Variants in GADL1 observed in about 807,000 individuals in gnomAD.
GADL1 encodes the protein GAD like acidic amino acid decarboxylase 1.
GADL1 carries 71 observed loss-of-function variants against 69.5 expected under a neutral mutation model. The observed-to-expected ratio is 1.02, with a 90% CI of 0.84 to 1.25. The LOEUF (loss-of-function observed/expected upper bound fraction) is 1.25. GADL1 is among the 50% of genes most tolerant of loss of function. GADL1 has a pLI of 0.00. For missense variants in GADL1, 737 were observed against 631.8 expected, an observed-to-expected ratio of 1.17 and a Z score of -1.79; for synonymous variants, 254 against 214.4, an observed-to-expected ratio of 1.18 and a Z score of -1.62.
intron 1 of GADL1, among the ~76,000 whole-genome samples, chr3:30,887,630 A>C (rs1285694320): frequency 6.6e-6 from 1 of 152,152 alleles, no homozygotes; most frequent in Non-Finnish European, 1.5e-5. Context: ...TTATTTTGTT[A>C]TAAGCAAGAG....
At chr3:30,859,055 G>C (rs188519244) in intron 2 of GADL1, among the ~76,000 whole-genome samples, 1 of 152,174 alleles carries the variant, frequency 6.6e-6, no homozygotes, top group Non-Finnish European at 1.5e-5. Flanking sequence ...ACAAGGAGGT[G>C]TTCTTGGCAA....
chr3:30,726,437 AT>A lies in GADL1; in HGVS notation c.*1804del, dbSNP rs542244919. On this transcript the variant is annotated 3_prime_UTR_variant, in exon 15 of 15. Transcript: ENST00000282538. ...TGTTACAAACATCAATTTTAGAAAT[AT>A]TTTATGTAGACATTAAAACAAAAAG... The A allele has an allele frequency of 6.6e-6, 1 of 152,064 alleles. No individual in the cohort carries two copies. The allele number at this position is 152,064 out of a possible 1,614,324, so 9.4% of individuals were successfully genotyped here.
chr3:30,834,142 T>C, intron 10 of GADL1, 75 bp downstream of exon 10: 1 of 1,237,210 alleles, frequency 8.1e-7, no homozygotes, highest in Non-Finnish European at 1.2e-6. Flanking sequence ...TTTTCCTATT[T>C]TCAAAATATC....
At chr3:30,816,176 T>C (rs918940155) in intron 11 of GADL1, among the ~76,000 whole-genome samples, 1 of 152,034 alleles carries the variant, frequency 6.6e-6, no homozygotes, top group Non-Finnish European at 1.5e-5. Context: ...ATTTGCGATA[T>C]GTACTGAACA....
intron 3 of GADL1, among the ~76,000 whole-genome samples, chr3:30,855,538 A>G (rs747292145): frequency 2.6e-5 from 4 of 151,998 alleles, no homozygotes; most frequent in Non-Finnish European, 4.4e-5. Flanking sequence ...GCTTACATAC[A>G]CTTCTGATTC....
intron 11 of GADL1, among the ~76,000 whole-genome samples, chr3:30,810,144 T>C (rs538264331): frequency 6.6e-6 from 1 of 152,258 alleles, no homozygotes; most frequent in African/African-American, 2.4e-5. Flanking sequence ...TGATCTCCAG[T>C]TTCTCAAAAA....
At chr3:30,862,859 C>A (rs950188186) in intron 1 of GADL1, among the ~76,000 whole-genome samples, 1 of 151,974 alleles carries the variant, frequency 6.6e-6, no homozygotes, top group Non-Finnish European at 1.5e-5. Flanking sequence ...AACTAGATTA[C>A]AAAGTTTACA....
At chr3:30,821,714 GAATA>G (rs909378310) in intron 11 of GADL1, among the ~76,000 whole-genome samples, 2 of 151,238 alleles carry the variant, frequency 1.3e-5, no homozygotes. Context: ...AAAACTGGAA[GAATA>G]AATAGATGAT....
chr3:30,887,185 T>C (rs866768734), intron 1 of GADL1, among the ~76,000 whole-genome samples: 1 of 152,094 alleles, frequency 6.6e-6, no homozygotes, highest in South Asian at 2.1e-4. Context: ...GCATATGCAG[T>C]CAAGGACTGA....
At chr3:30,791,775 T>A (rs1486270744) in intron 12 of GADL1, among the ~76,000 whole-genome samples, 1 of 152,104 alleles carries the variant, frequency 6.6e-6, no homozygotes, top group Non-Finnish European at 1.5e-5. Flanking sequence ...CCATGGGTCA[T>A]GGGAGGGACC....
At chr3:30,761,896 ATATGAAGTTTATATGCATGTGTATATG>A (rs2125485737) in intron 14 of GADL1, among the ~76,000 whole-genome samples, 1 of 152,302 alleles carries the variant, frequency 6.6e-6, no homozygotes, top group African/African-American at 2.4e-5. Flanking sequence ...AGGATATATA[ATATGAAGTTTATATGCATGTGTATATG>A]TATTATATGT....
intron 14 of GADL1, among the ~76,000 whole-genome samples, chr3:30,763,656 A>T (rs1696196532): frequency 6.6e-6 from 1 of 152,188 alleles, no homozygotes; most frequent in Admixed American, 6.5e-5. Context: ...ATTTTATAAT[A>T]GTGTTGCGTA....
intron 11 of GADL1, among the ~76,000 whole-genome samples, chr3:30,825,640 G>C (rs1054619233): frequency 1.3e-5 from 2 of 148,440 alleles, no homozygotes; most frequent in East Asian, 4.0e-4. Context: ...TCAGAGTAGC[G>C]ATAAAAGAGA....
chr3:30,840,205 A>T lies in GADL1; in HGVS notation c.787-1092T>A, dbSNP rs140841203. 9.9e-4 allele frequency among the ~76,000 whole-genome samples: 150 copies of T among 152,252 alleles called. 1 individual carries two copies. The highest frequency in any genetic ancestry group is 3.3e-3 in the African/African-American group (136 of 41,558). ...TTGCAATACATTTTTATGTCCTTTA[A>T]TGCCAGGGATTATTGTGTTTGAACC... On this transcript the variant is annotated intron_variant, in intron 8 of 14. Transcript: ENST00000282538.
At chr3:30,746,409 C>T (rs972625335) in intron 14 of GADL1, among the ~76,000 whole-genome samples, 7 of 152,112 alleles carry the variant, frequency 4.6e-5, no homozygotes, top group Non-Finnish European at 7.4e-5. Flanking sequence ...CCAAATTTTC[C>T]CATGATTTTA....
chr3:30,787,909 A>G (rs1696830857), intron 12 of GADL1, among the ~76,000 whole-genome samples: 1 of 152,128 alleles, frequency 6.6e-6, no homozygotes, highest in African/African-American at 2.4e-5. Context: ...CTTTTTGCAA[A>G]TTTATACAGC....
intron 14 of GADL1, among the ~76,000 whole-genome samples, chr3:30,775,074 C>T (rs1269282908): frequency 6.6e-6 from 1 of 152,146 alleles, no homozygotes; most frequent in Non-Finnish European, 1.5e-5. Flanking sequence ...AAAGTGAAGT[C>T]GTTGGAACTC....
In GADL1 at chr3:30,756,415, C is replaced by G. The variant is rs189687915; in HGVS notation, c.1392+21764G>C. Among the ~76,000 whole-genome samples the G allele has an allele frequency of 7.2e-5, 11 of 152,226 alleles. No homozygotes were observed. In the East Asian group the frequency reaches 1.9e-3, roughly 27 times the overall value. On this transcript the variant is annotated intron_variant, in intron 14 of 14. Transcript: ENST00000282538. Reference sequence around the variant, plus strand: ...ATAATGTATAAAGTTATAAAGGCATCTTTGTGGTAGAATGACTGCAAATAT... The same window carrying G: ...ATAATGTATAAAGTTATAAAGGCATGTTTGTGGTAGAATGACTGCAAATAT...
intron 14 of GADL1, among the ~76,000 whole-genome samples, chr3:30,745,022 T>A (rs767794598): frequency 6.6e-6 from 1 of 152,226 alleles, no homozygotes; most frequent in Admixed American, 6.5e-5. Context: ...CCAGGAGCCA[T>A]TGAAGAACAT....
Sources: allele counts gnomAD v4.1 joint callset (sites outside exome capture counted in the v4.1 genomes callset), GRCh38; gene constraint gnomAD v4.1.1; transcripts MANE v1.5; gene names NCBI Gene and HGNC (gene_info 2026-07-23, HGNC 2026-07-21).